The following SLC24A2 variants were observed in gnomAD, a reference collection of about 807,000 sequenced individuals.
SLC24A2 encodes the protein sodium/potassium/calcium exchanger 2.
Under a neutral mutation model 62.0 loss-of-function variants are expected in SLC24A2, and 36 were observed. The observed-to-expected ratio is 0.58, with a 90% CI of 0.44 to 0.77. The LOEUF (loss-of-function observed/expected upper bound fraction) is 0.77, where lower values mean the gene tolerates loss of function less well. SLC24A2 is among the 30% of genes least tolerant of loss of function. SLC24A2 has a pLI of 0.00. For synonymous variants in SLC24A2, 358 were observed against 294.0 expected (o/e 1.22, Z -2.23); for missense variants, 846 against 817.9 (o/e 1.03, Z -0.42).
chr9:19,713,487 A>C (rs1820772140), intron 2 of SLC24A2, among the ~76,000 whole-genome samples: 1 of 152,212 alleles, frequency 6.6e-6, no homozygotes, highest in African/African-American at 2.4e-5. Flanking sequence ...AACCACTTTT[A>C]TGAATAGTAT....
chr9:20,274,541 C>G, the SLC24A2 span, among the ~76,000 whole-genome samples: 2 of 152,062 alleles, frequency 1.3e-5, no homozygotes, highest in African/African-American at 2.4e-5. Flanking sequence ...TCAGGTCTCT[C>G]TACCAACTGC....
At chr9:20,290,515 ATGTGTGAGCTCTGGC>A in the SLC24A2 span, among the ~76,000 whole-genome samples, 1 of 152,212 alleles carries the variant, frequency 6.6e-6, no homozygotes, top group Non-Finnish European at 1.5e-5. Flanking sequence ...CTGTAGAGGC[ATGTGTGAGCTCTGGC>A]TGGTGCAAAA....
the SLC24A2 span, among the ~76,000 whole-genome samples, chr9:19,944,933 T>C: frequency 6.6e-6 from 1 of 152,190 alleles, no homozygotes; most frequent in African/African-American, 2.4e-5. Context: ...TAACTTCTGT[T>C]TGATTCACCC....
At chr9:19,524,714 G>A (rs953443605) in intron 9 of SLC24A2, among the ~76,000 whole-genome samples, 4 of 152,120 alleles carry the variant, frequency 2.6e-5, no homozygotes, top group Admixed American at 1.3e-4. Flanking sequence ...GAAAAGTAAG[G>A]CTTCCATTTA....
intron 2 of SLC24A2, among the ~76,000 whole-genome samples, chr9:19,624,428 G>A (rs1363147705): frequency 5.3e-5 from 8 of 151,528 alleles, no homozygotes; most frequent in Admixed American, 2.0e-4. Context: ...ACATGATTAA[G>A]GAAGGAAAAA....
intron 2 of SLC24A2, among the ~76,000 whole-genome samples, chr9:19,783,201 A>G (rs1024658915): frequency 6.6e-6 from 1 of 152,222 alleles, no homozygotes; most frequent in African/African-American, 2.4e-5. Context: ...TTCACTGCCT[A>G]GAGCCCAGCA....
rs549781970 is a variant in SLC24A2 at position 19,662,827 on chromosome 9, A to G, written c.931-40528T>C. Among the ~76,000 whole-genome samples the G allele has an allele frequency of 2.0e-5, 3 of 152,232 alleles. No homozygotes were observed. In the South Asian group the frequency reaches 6.2e-4, roughly 32 times the overall value. ...TTATCAAAATTTATGTTATATACTC[A>G]CAATTGCTCCTTGGTTTCATTCACT... On this transcript the variant is annotated intron_variant, in intron 2 of 10. Transcript: ENST00000341998.
At chr9:19,980,992 A>T in the SLC24A2 span, among the ~76,000 whole-genome samples, 545 of 152,286 alleles carry the variant, frequency 3.6e-3, 5 homozygotes, top group Admixed American at 0.031. Flanking sequence ...TTATCTCCCC[A>T]AGAGGGTAAC....
At chr9:19,776,975 T>G (rs1013945012) in intron 2 of SLC24A2, among the ~76,000 whole-genome samples, 2 of 152,142 alleles carry the variant, frequency 1.3e-5, no homozygotes, top group Admixed American at 1.3e-4. Context: ...CACATCCCAG[T>G]CCCTGAAAAC....
chr9:20,246,947 C>T, the SLC24A2 span, among the ~76,000 whole-genome samples: 1 of 152,340 alleles, frequency 6.6e-6, no homozygotes, highest in East Asian at 1.9e-4. Context: ...GAGGAGATAG[C>T]ACCAGGATCC....
the SLC24A2 span, among the ~76,000 whole-genome samples, chr9:20,057,487 G>A: frequency 2.0e-5 from 3 of 152,148 alleles, no homozygotes; most frequent in Non-Finnish European, 4.4e-5. Context: ...CAGAGTTGGA[G>A]CTGTGGCTAA....
the SLC24A2 span, among the ~76,000 whole-genome samples, chr9:20,292,529 G>T: frequency 6.6e-6 from 1 of 152,196 alleles, no homozygotes; most frequent in African/African-American, 2.4e-5. Context: ...GTATTGACGT[G>T]CTGGGGCTGC....
At chr9:20,055,913 A>T in the SLC24A2 span, among the ~76,000 whole-genome samples, 1 of 152,100 alleles carries the variant, frequency 6.6e-6, no homozygotes, top group African/African-American at 2.4e-5. Flanking sequence ...ATTATAAAAA[A>T]ATAAATAGAC....
intron 2 of SLC24A2, among the ~76,000 whole-genome samples, chr9:19,733,693 G>C (rs986526717): frequency 3.3e-5 from 5 of 152,196 alleles, no homozygotes; most frequent in South Asian, 4.1e-4. Flanking sequence ...CTTGTGGTTT[G>C]CAGAAGTTCT....
chr9:20,285,014 T>A, the SLC24A2 span, among the ~76,000 whole-genome samples: 9 of 152,218 alleles, frequency 5.9e-5, no homozygotes, highest in Admixed American at 5.2e-4. Context: ...TTTTTAAATG[T>A]TAAGTGTAAG....
intron 2 of SLC24A2, among the ~76,000 whole-genome samples, chr9:19,625,107 C>G (rs1818000780): frequency 6.6e-6 from 1 of 152,134 alleles, no homozygotes; most frequent in African/African-American, 2.4e-5. Context: ...TGGGATATTA[C>G]AGAAGACAAC....
At chr9:19,947,253 T>G in the SLC24A2 span, among the ~76,000 whole-genome samples, 5 of 152,124 alleles carry the variant, frequency 3.3e-5, no homozygotes, top group African/African-American at 1.2e-4. Context: ...AGCTACAACC[T>G]CTGTCTGGAT....
At position 19,771,118 on chromosome 9, in the gene SLC24A2, C is replaced by G. The variant is rs184677871; in HGVS notation, c.930+14819G>C. ...TCGGTAGTGGCATGTGGCAGAGATG[C>G]CAATCCAAGGTGATTATGCAATGAG... On this transcript the variant is annotated intron_variant, in intron 2 of 10. Transcript: ENST00000341998. Among the ~76,000 whole-genome samples, 75 of 152,246 alleles carry G rather than the reference C, an allele frequency of 4.9e-4. 1 individual carries two copies. The East Asian group carries it at 0.013, about 26-fold the overall frequency.
chr9:19,996,502 G>A, the SLC24A2 span, among the ~76,000 whole-genome samples: 299 of 152,284 alleles, frequency 2.0e-3, no homozygotes, highest in Non-Finnish European at 3.4e-3. Flanking sequence ...CACTTTGGGA[G>A]GCTGAGGTGC....
Sources: allele counts gnomAD v4.1 joint callset (sites outside exome capture counted in the v4.1 genomes callset), GRCh38; gene constraint gnomAD v4.1.1; transcripts MANE v1.5; gene names NCBI Gene and HGNC (gene_info 2026-07-23, HGNC 2026-07-21).